The following MGAT4C variants were observed in gnomAD, a reference collection of about 807,000 sequenced individuals.
MGAT4C encodes alpha-1,3-mannosyl-glycoprotein 4-beta-N-acetylglucosaminyltransferase C.
A neutral mutation model predicts 40.1 loss-of-function variants in MGAT4C; 19 were observed. That is an observed-to-expected ratio of 0.47 (90% CI 0.33 to 0.70). The LOEUF (loss-of-function observed/expected upper bound fraction) is 0.70. MGAT4C is among the 30% of genes least tolerant of loss of function. The pLI is 0.02. For missense variants in MGAT4C, 491 were observed against 563.2 expected (o/e 0.87, Z 1.30); for synonymous variants, 181 against 187.1 (o/e 0.97, Z 0.27).
At chr12:86,208,659 T>G in intron 1 of MGAT4C, among the ~76,000 whole-genome samples, 1 of 150,784 alleles carries the variant, frequency 6.6e-6, no homozygotes, top group Non-Finnish European at 1.5e-5. Flanking sequence ...TAGAGTTTTT[T>G]ATTTTTTTTT....
intron 1 of MGAT4C, among the ~76,000 whole-genome samples, chr12:86,822,075 T>C (rs535868212): frequency 6.6e-6 from 1 of 151,182 alleles, no homozygotes; most frequent in African/African-American, 2.4e-5. Flanking sequence ...TGTTAAAGTG[T>C]AGAGTTTTAT....
rs1003719957 is a variant in MGAT4C at position 86,138,784 on chromosome 12, C to A, written c.-56-89061G>T. Among the ~76,000 whole-genome samples, 6 of 151,622 alleles carry A rather than the reference C, an allele frequency of 4.0e-5. No individual in the cohort carries two copies. In the Admixed American group the frequency reaches 4.0e-4, roughly 10 times the overall value. ...TTAACAAGAGAACTGCTGGCTTAAG[C>A]GGGCATTCAGACTTGGAGGAGGAAG... On this transcript the variant is annotated intron_variant, in intron 1 of 4. Coordinates refer to ENST00000611864, the MANE Select transcript of MGAT4C (RefSeq NM_001351288.2).
At chr12:86,826,560 C>T (rs1408642157) in intron 1 of MGAT4C, among the ~76,000 whole-genome samples, 1 of 151,460 alleles carries the variant, frequency 6.6e-6, no homozygotes. Context: ...AAAACAAAAG[C>T]TGATAGCAAA....
chr12:86,291,778 T>TA (rs1189803128), intron 4 of MGAT4C, among the ~76,000 whole-genome samples: 2 of 151,706 alleles, frequency 1.3e-5, no homozygotes, highest in Non-Finnish European at 2.9e-5. Context: ...TGCACCAACC[T>TA]AATAACTGCA....
At chr12:86,548,232 A>G (rs1474807841) in intron 2 of MGAT4C, among the ~76,000 whole-genome samples, 10 of 151,900 alleles carry the variant, frequency 6.6e-5, no homozygotes, top group Admixed American at 6.6e-4. Context: ...GAAACTGAAG[A>G]TATTTCCTTG....
chr12:86,218,751 A>C (rs11103890), intron 1 of MGAT4C, among the ~76,000 whole-genome samples: 143 of 152,302 alleles, frequency 9.4e-4, no homozygotes, highest in Non-Finnish European at 1.8e-3. Flanking sequence ...TCTAAGGCAG[A>C]CTAGGCTGAA....
At position 85,962,476 on chromosome 12, in the gene MGAT4C, T is replaced by C. The variant is rs1047210559; in HGVS notation, c.*16813A>G. ...ATAAAATATTAACAATAATTGAACA[T>C]TGTTTACTTTTTTATCCTCACAACA... On this transcript the variant is annotated 3_prime_UTR_variant, in exon 5 of 5. Transcript: ENST00000611864. 24 of 148,760 alleles carry C rather than the reference T, an allele frequency of 1.6e-4. 1 individual carries two copies. Among genetic ancestry groups the C allele is most frequent in the African/African-American group, 5.9e-4 (24 of 40,956 alleles). The allele number at this position is 148,760 out of a possible 1,614,324, so 9.2% of individuals were successfully genotyped here.
At chr12:86,603,551 A>AATATATACT (rs1555210051) in intron 2 of MGAT4C, among the ~76,000 whole-genome samples, 1 of 4,228 alleles carries the variant, frequency 2.4e-4, no homozygotes, top group Admixed American at 7.7e-3. Flanking sequence ...GACTATAGAT[A>AATATATACT]ATATATAGTC....
chr12:86,603,651 A>ATC (rs1437998721), intron 2 of MGAT4C, among the ~76,000 whole-genome samples: 1 of 126,462 alleles, frequency 7.9e-6, no homozygotes, highest in African/African-American at 3.1e-5. Context: ...AGTATATATT[A>ATC]TATAGTCTAT....
intron 3 of MGAT4C, among the ~76,000 whole-genome samples, chr12:86,408,756 T>C (rs1019290875): frequency 3.3e-5 from 5 of 151,964 alleles, no homozygotes; most frequent in South Asian, 2.1e-4. Flanking sequence ...TTTGAATAGA[T>C]TGATCTCATT....
In MGAT4C at chr12:86,593,735, A is replaced by G. The variant is rs568004160; in HGVS notation, c.-229+133474T>C. On this transcript the variant is annotated intron_variant, in intron 2 of 7. Transcript: ENST00000548651. ...GGAAAATGCACTTTTTATTATTTCTATTCTTTTAAATAGACTGAGATTTTT... is the reference window on the plus strand; with the variant it reads ...GGAAAATGCACTTTTTATTATTTCTGTTCTTTTAAATAGACTGAGATTTTT... 3.3e-5 allele frequency among the ~76,000 whole-genome samples: 5 copies of G among 152,042 alleles called. No individual in the cohort carries two copies. In the South Asian group the frequency reaches 1.0e-3, roughly 32 times the overall value.
chr12:86,202,474 G>T (rs1046505249), intron 1 of MGAT4C, among the ~76,000 whole-genome samples: 1 of 151,776 alleles, frequency 6.6e-6, no homozygotes, highest in African/African-American at 2.4e-5. Context: ...ACTTATTATT[G>T]GACGCAATTT....
At chr12:86,470,110 A>C (rs1485242028) in intron 2 of MGAT4C, among the ~76,000 whole-genome samples, 1 of 152,120 alleles carries the variant, frequency 6.6e-6, no homozygotes, top group Non-Finnish European at 1.5e-5. Flanking sequence ...TGGCTATTGC[A>C]AAATATCTAA....
intron 2 of MGAT4C, among the ~76,000 whole-genome samples, chr12:85,996,539 G>C (rs1351749839): frequency 6.6e-6 from 1 of 152,104 alleles, no homozygotes; most frequent in Non-Finnish European, 1.5e-5. Flanking sequence ...AACTGATATA[G>C]CTATCTACAG....
chr12:86,480,247 T>C (rs530826748), intron 2 of MGAT4C, among the ~76,000 whole-genome samples: 2 of 151,688 alleles, frequency 1.3e-5, no homozygotes, highest in Non-Finnish European at 3.0e-5. Flanking sequence ...TAATAAAGAA[T>C]CAACATTTGC....
At chr12:86,825,040 G>T (rs1952779834) in intron 1 of MGAT4C, among the ~76,000 whole-genome samples, 1 of 151,270 alleles carries the variant, frequency 6.6e-6, no homozygotes, top group Non-Finnish European at 1.5e-5. Context: ...AATCAAAAAT[G>T]ACTAGAAAAA....
chr12:86,430,294 G>A (rs1295312187), intron 3 of MGAT4C, among the ~76,000 whole-genome samples: 1 of 152,042 alleles, frequency 6.6e-6, no homozygotes, highest in Non-Finnish European at 1.5e-5. Context: ...AGCTTTATTA[G>A]TTTCTTTTGG....
At chr12:86,789,313 ACTCTTTAAT>A (rs1292569396) in intron 1 of MGAT4C, among the ~76,000 whole-genome samples, 1 of 151,992 alleles carries the variant, frequency 6.6e-6, no homozygotes, top group African/African-American at 2.4e-5. Flanking sequence ...AATTCTTAGG[ACTCTTTAAT>A]CACACAAGAA....
intron 2 of MGAT4C, among the ~76,000 whole-genome samples, chr12:86,463,256 A>G (rs750921234): frequency 6.6e-6 from 1 of 152,194 alleles, no homozygotes; most frequent in Non-Finnish European, 1.5e-5. Flanking sequence ...TTGAGCAATC[A>G]TTTGAAAATA....
Sources: gnomAD v4.1 joint callset for allele counts (sites outside exome capture counted in the v4.1 genomes callset) on GRCh38, gnomAD v4.1.1 for gene constraint, MANE v1.5 for transcripts, NCBI Gene and HGNC (gene_info 2026-07-23, HGNC 2026-07-21) for gene names.